The following COL27A1 variants were observed in gnomAD, a reference collection of about 807,000 sequenced individuals.
COL27A1 encodes the protein collagen type XXVII alpha 1 chain.
COL27A1 carries 106 observed loss-of-function variants against 251.3 expected under a neutral mutation model. That is an observed-to-expected ratio of 0.42 (90% CI 0.36 to 0.50). COL27A1 has a LOEUF of 0.50. Among genes scored for constraint, COL27A1 ranks in the 20% least tolerant of loss-of-function variants. The pLI is 0.00. For missense variants in COL27A1, 2,325 were observed against 2,522.8 expected (o/e 0.92, Z 1.68); for synonymous variants, 1,000 against 986.3 (o/e 1.01, Z -0.26).
At position 114,155,861 on chromosome 9, in the gene COL27A1, G is replaced by T; in HGVS notation, c.-90G>T. The T allele has an allele frequency of 9.8e-7, 1 of 1,024,734 alleles. No individual in the cohort carries two copies. Among genetic ancestry groups the T allele is most frequent in the East Asian group, 6.3e-5 (1 of 15,944 alleles). 63.5% of individuals were successfully genotyped at this position (1,024,734 alleles called of 1,614,324 possible). A position where few individuals can be genotyped will look rare whatever the true frequency, so the allele number is the denominator to read the frequency against. On this transcript the variant is annotated 5_prime_UTR_variant, in exon 1 of 61. Transcript: ENST00000356083. The surrounding 1 kb of genome is among the most constrained non-coding windows in gnomAD (Gnocchi z 5.5). ...CGCGGGGGCCGCGCGCTCTAAGCCG[G>T]CCTGGCGCGGCGGGGCGGGGGGCTG... is the stretch of plus-strand genomic sequence containing the variant.
In COL27A1 at chr9:114,168,033, G is replaced by A; in HGVS notation, c.478G>A (p.Ala160Thr). ...GCACGACGGGCGCTGGCACCACCTGGCCCTCGAGCTCCGAGGCCGCACAGT... is the reference window on the plus strand; with the variant it reads ...GCACGACGGGCGCTGGCACCACCTGACCCTCGAGCTCCGAGGCCGCACAGT... ...DMHDGRWHHL[A>T]LELRGRTVTL... The change falls in exon 3 of 61, where the codon GCC (alanine) becomes ACC (threonine). Residue 160 changes from alanine to threonine, a missense_variant. Physicochemically the swap from Ala to Thr is moderately conservative, Grantham distance 58 (BLOSUM62 0). Coordinates refer to ENST00000356083, the MANE Select transcript of COL27A1 (RefSeq NM_032888.4). The A allele has an allele frequency of 5.0e-6, 8 of 1,605,468 alleles. No homozygotes were observed. The highest frequency in any genetic ancestry group is 1.1e-5 in the South Asian group (1 of 91,048).
intron 7 of COL27A1, among the ~76,000 whole-genome samples, chr9:114,196,791 T>G (rs1829167136): frequency 6.6e-6 from 1 of 152,146 alleles, no homozygotes; most frequent in Non-Finnish European, 1.5e-5. Flanking sequence ...TCCTGGGTAG[T>G]GGGTCTGTAA....
chr9:114,261,469 G>A (rs1834330587), intron 28 of COL27A1, among the ~76,000 whole-genome samples: 1 of 152,230 alleles, frequency 6.6e-6, no homozygotes, highest in South Asian at 2.1e-4. Context: ...GGGTTAGAGT[G>A]TGCGGCTGTT....
At chr9:114,227,759 G>A (rs1195385788) in intron 14 of COL27A1, among the ~76,000 whole-genome samples, 1 of 152,168 alleles carries the variant, frequency 6.6e-6, no homozygotes, top group Non-Finnish European at 1.5e-5. Flanking sequence ...GGAGCTTAGA[G>A]AAAAGTGGAA....
At chr9:114,309,111 T>C in intron 59 of COL27A1, 149 bp from the exon 60 acceptor site, 1 of 725,666 alleles carries the variant, frequency 1.4e-6, no homozygotes. Context: ...TTTCCCCGTC[T>C]ATCAAGTGGG....
chr9:114,184,465 G>A (rs1828174663), intron 5 of COL27A1, among the ~76,000 whole-genome samples: 1 of 152,246 alleles, frequency 6.6e-6, no homozygotes, highest in Admixed American at 6.5e-5. Context: ...AGAGCAGAGT[G>A]CAGGAGCACT....
In COL27A1 at chr9:114,222,329, G is replaced by A. The variant is rs546639157; in HGVS notation, c.2466+62G>A. On this transcript the variant is annotated intron_variant, in intron 14 of 60. Transcript: ENST00000356083. ...TGAGGAGACTCAGGGTGGAGCCAGC[G>A]TGTGGGGAGCCAGGAGCAGGCCCTG... The A allele has an allele frequency of 3.8e-5, 57 of 1,489,402 alleles. No homozygotes were observed. The South Asian group carries it at 4.1e-4, about 11-fold the overall frequency. The allele number at this position is 1,489,402 out of a possible 1,614,324, so 92.3% of individuals were successfully genotyped here.
intron 49 of COL27A1, among the ~76,000 whole-genome samples, chr9:114,292,529 C>T (rs1827996648): frequency 6.6e-6 from 1 of 152,158 alleles, no homozygotes; most frequent in African/African-American, 2.4e-5. Flanking sequence ...CCTTCATCCC[C>T]CTGTCCCAGA....
rs1488664804 is a variant in COL27A1, at chr9:114,288,451, A to G, written c.3988-4A>G. 6.2e-7 allele frequency: 1 copy of G among 1,609,822 alleles called. No homozygotes were observed. Among genetic ancestry groups the G allele is most frequent in the South Asian group, 1.1e-5 (1 of 89,520 alleles). On this transcript the variant is annotated splice_polypyrimidine_tract_variant and splice_region_variant and intron_variant, in intron 41 of 60. Transcript: ENST00000356083. ...TTGCCCTAAAGCTGGTTCTGTGTCC[A>G]CAGGGGGAGCAGGGCGAGGACGGCA...
intron 3 of COL27A1, among the ~76,000 whole-genome samples, chr9:114,176,275 A>T (rs1190690193): frequency 6.6e-6 from 1 of 152,200 alleles, no homozygotes; most frequent in Non-Finnish European, 1.5e-5. Context: ...CCTTCTAAGA[A>T]GGGACATCTT....
At chr9:114,185,743 C>T (rs1471682488) in intron 5 of COL27A1, among the ~76,000 whole-genome samples, 1 of 152,228 alleles carries the variant, frequency 6.6e-6, no homozygotes, top group African/African-American at 2.4e-5. Context: ...AGTCAACAAA[C>T]GTGTATTGAG....
intron 19 of COL27A1, 139 bp from the exon 20 acceptor site, chr9:114,240,081 C>A: frequency 1.3e-6 from 1 of 766,908 alleles, no homozygotes. Context: ...ACTGTGGGAT[C>A]AAGGTGGTTA....
chr9:114,244,783 C>T (rs908277949), intron 23 of COL27A1, among the ~76,000 whole-genome samples: 1 of 152,184 alleles, frequency 6.6e-6, no homozygotes. Flanking sequence ...GGCCTCTCTC[C>T]CTCAGATACC....
intron 21 of COL27A1, among the ~76,000 whole-genome samples, chr9:114,241,804 T>C (rs1832775277): frequency 1.3e-5 from 2 of 152,172 alleles, no homozygotes; most frequent in African/African-American, 4.8e-5. Flanking sequence ...AGGATGATCT[T>C]CTCCAATCTG....
chr9:114,181,519 A>T (rs1355138156), intron 4 of COL27A1, among the ~76,000 whole-genome samples: 1 of 152,174 alleles, frequency 6.6e-6, no homozygotes, highest in Non-Finnish European at 1.5e-5. Context: ...ATCAAGAGGG[A>T]CGGGGAAGAG....
intron 21 of COL27A1, 66 bp from the exon 22 acceptor site, chr9:114,242,121 A>C (rs1281823475): frequency 1.4e-6 from 2 of 1,398,978 alleles, no homozygotes; most frequent in Non-Finnish European, 1.9e-6. Context: ...ATACAGGACA[A>C]GATCTCTGCA....
intron 4 of COL27A1, among the ~76,000 whole-genome samples, chr9:114,181,310 C>G (rs1827895449): frequency 6.6e-6 from 1 of 152,142 alleles, no homozygotes; most frequent in Admixed American, 6.5e-5. Flanking sequence ...TCACAAGAGG[C>G]ACTGAGAAAC....
intron 7 of COL27A1, among the ~76,000 whole-genome samples, chr9:114,197,323 C>T (rs1419426457): frequency 6.6e-6 from 1 of 152,148 alleles, no homozygotes; most frequent in African/African-American, 2.4e-5. Flanking sequence ...GGACCTCGTT[C>T]CCCCATTCCC....
intron 36 of COL27A1, chr9:114,273,274 G>T (rs1220214979): frequency 1.3e-5 from 2 of 152,326 alleles, no homozygotes; most frequent in South Asian, 2.1e-4. Context: ...ATTCAGGCCA[G>T]CCCCCTGTCT....
Sources: gnomAD v4.1 joint callset for allele counts (sites outside exome capture counted in the v4.1 genomes callset) on GRCh38, gnomAD v4.1.1 for gene constraint, Gnocchi (gnomAD v3.1) non-coding constraint, MANE v1.5 for transcripts, NCBI Gene and HGNC (gene_info 2026-07-23, HGNC 2026-07-21) for gene names.